The following ADAMTS20 variants were observed in gnomAD, a reference collection of about 807,000 sequenced individuals.
The protein encoded by ADAMTS20 is A disintegrin and metalloproteinase with thrombospondin motifs 20.
In ADAMTS20, 225 loss-of-function variants were observed where a neutral mutation model predicts 260.1. The observed-to-expected ratio is 0.87, with a 90% CI of 0.78 to 0.97. The LOEUF (loss-of-function observed/expected upper bound fraction) is 0.97. Among genes scored for constraint, ADAMTS20 ranks in the 50% least tolerant of loss-of-function variants. The probability of loss-of-function intolerance (pLI) is 0.00; values close to 1 mark genes in which losing one functional copy is unlikely to be tolerated. For synonymous variants in ADAMTS20, 802 were observed against 769.5 expected, an observed-to-expected ratio of 1.04 and a Z score of -0.70; for missense variants, 2,400 against 2,337.7, an observed-to-expected ratio of 1.03 and a Z score of -0.55.
In ADAMTS20 at chr12:43,468,619, C is replaced by CTA. The variant is rs1409272789; in HGVS notation, c.1202_1203dup (p.Ala402Ter). 1 of 1,608,168 alleles carries CTA rather than the reference C, an allele frequency of 6.2e-7. No homozygotes were observed. Among genetic ancestry groups the CTA allele is most frequent in the Non-Finnish European group, 8.5e-7 (1 of 1,176,552 alleles). On this transcript the variant is annotated frameshift_variant, in exon 8 of 39. Transcript: ENST00000389420. LOFTEE classifies it high-confidence loss of function. ...ACTTACGTGTGCCCAAGCTCATGGG[C>CTA]TATAGTAAAAGCAGAAATGAGTCCT...
At chr12:43,541,756 T>C (rs1033826506) in intron 2 of ADAMTS20, among the ~76,000 whole-genome samples, 2 of 148,832 alleles carry the variant, frequency 1.3e-5, no homozygotes, top group Non-Finnish European at 3.0e-5. Flanking sequence ...AAATTCATAG[T>C]AAGGGTTTTG....
Position 43,537,161 on chromosome 12 carries a change from C to A in ADAMTS20, c.454-4966G>T, listed in dbSNP as rs553591125. 5.3e-5 allele frequency among the ~76,000 whole-genome samples: 8 copies of A among 152,144 alleles called. 1 individual carries two copies. The highest frequency in any genetic ancestry group is 1.9e-4 in the African/African-American group (8 of 41,520). Reference sequence around the variant, plus strand: ...CTCAGCTCACTGCAACCTCCACCTCCCAGGCTCAAGCAATCCCCCCACCTC... The same window carrying A: ...CTCAGCTCACTGCAACCTCCACCTCACAGGCTCAAGCAATCCCCCCACCTC... On this transcript the variant is annotated intron_variant, in intron 2 of 38. Transcript: ENST00000389420.
chr12:43,421,962 C>G (rs1051217974), intron 28 of ADAMTS20, among the ~76,000 whole-genome samples: 1 of 151,676 alleles, frequency 6.6e-6, no homozygotes, highest in African/African-American at 2.4e-5. Flanking sequence ...AATATAAGAT[C>G]TGTTCAGTGA....
intron 28 of ADAMTS20, among the ~76,000 whole-genome samples, chr12:43,417,117 C>T (rs1193512626): frequency 6.6e-6 from 1 of 152,146 alleles, no homozygotes; most frequent in Non-Finnish European, 1.5e-5. Flanking sequence ...TAACCCAGTG[C>T]CTGGTAGATA....
chr12:43,462,748 T>C (rs1942085425), intron 11 of ADAMTS20, 147 bp downstream of exon 11: 2 of 629,962 alleles, frequency 3.2e-6, no homozygotes, highest in Non-Finnish European at 5.5e-6. Context: ...ATTGACAATG[T>C]ACTATATCAA....
chr12:43,393,953 T>C (rs938009590), intron 29 of ADAMTS20, among the ~76,000 whole-genome samples: 1 of 152,122 alleles, frequency 6.6e-6, no homozygotes, highest in Admixed American at 6.6e-5. Context: ...TTCTCTTATA[T>C]TGAACTAGAA....
intron 3 of ADAMTS20, among the ~76,000 whole-genome samples, chr12:43,508,887 G>C (rs1177193466): frequency 6.6e-6 from 1 of 152,048 alleles, no homozygotes; most frequent in Admixed American, 6.6e-5. Flanking sequence ...GCATTAGCTA[G>C]TTTTCCTGAA....
intron 7 of ADAMTS20, among the ~76,000 whole-genome samples, chr12:43,484,401 G>A (rs1592092897): frequency 2.0e-5 from 3 of 152,056 alleles, no homozygotes; most frequent in African/African-American, 7.2e-5. Context: ...AGATACAATA[G>A]AGAGGTGAAA....
At chr12:43,489,391 C>G (rs997912231) in intron 7 of ADAMTS20, among the ~76,000 whole-genome samples, 3 of 151,894 alleles carry the variant, frequency 2.0e-5, no homozygotes, top group African/African-American at 7.2e-5. Flanking sequence ...ATCAAGAATA[C>G]CTGAAAAGCA....
At chr12:43,416,524 C>T (rs1227792237) in intron 28 of ADAMTS20, among the ~76,000 whole-genome samples, 5 of 130,718 alleles carry the variant, frequency 3.8e-5, no homozygotes, top group Non-Finnish European at 3.2e-5. Flanking sequence ...TCAAACTGAC[C>T]TTTTTTTTTT....
rs766128607 is a variant in ADAMTS20, at chr12:43,425,527, T to C, written c.4271A>G (p.Glu1424Gly). 1.3e-6 allele frequency: 2 copies of C among 1,531,752 alleles called. No homozygotes were observed. The highest frequency in any genetic ancestry group is 1.8e-5 in the Admixed American group (1 of 54,074). The allele number at this position is 1,531,752 out of a possible 1,614,324, so 94.9% of individuals were successfully genotyped here. ...ACPADVSWHQ[E>G]PWTSCSASCG... ...GTGCTATCATACCGATGTCCATGGTTCCTGATGCCATGACACATCAGCAGG... is the reference window on the plus strand; with the variant it reads ...GTGCTATCATACCGATGTCCATGGTCCCTGATGCCATGACACATCAGCAGG... The change falls in exon 28 of 39, where the codon GAA becomes GGA. Residue 1424 changes from glutamate to glycine, a missense_variant. Physicochemically the swap from Glu to Gly is moderately conservative, Grantham distance 98 (BLOSUM62 -2). Transcript: ENST00000389420.
chr12:43,361,998 C>T (rs769772323), intron 37 of ADAMTS20, among the ~76,000 whole-genome samples: 4 of 152,120 alleles, frequency 2.6e-5, no homozygotes, highest in Non-Finnish European at 4.4e-5. Context: ...TCCAAAGTAA[C>T]AACATTTGTT....
intron 3 of ADAMTS20, among the ~76,000 whole-genome samples, chr12:43,503,838 G>C (rs1048058756): frequency 2.6e-5 from 4 of 152,184 alleles, no homozygotes; most frequent in Middle Eastern, 3.4e-3. Context: ...TCCTGCATTA[G>C]TTTGCTAAGG....
intron 37 of ADAMTS20, among the ~76,000 whole-genome samples, chr12:43,358,501 G>A (rs547983884): frequency 2.0e-5 from 3 of 152,188 alleles, no homozygotes; most frequent in Non-Finnish European, 2.9e-5. Context: ...AGTTCAGACA[G>A]ATCTCACTCT....
intron 7 of ADAMTS20, among the ~76,000 whole-genome samples, chr12:43,469,472 T>C (rs550572595): frequency 5.9e-5 from 9 of 152,224 alleles, no homozygotes; most frequent in African/African-American, 2.2e-4. Context: ...TCAAAATAAA[T>C]ATTCATTACA....
intron 4 of ADAMTS20, among the ~76,000 whole-genome samples, chr12:43,494,022 G>A (rs908539757): frequency 2.0e-5 from 3 of 152,092 alleles, no homozygotes; most frequent in African/African-American, 7.2e-5. Context: ...TTCTCTTCTT[G>A]TAGCCATTAT....
At chr12:43,362,544 A>G (rs1939893439) in intron 37 of ADAMTS20, among the ~76,000 whole-genome samples, 1 of 152,200 alleles carries the variant, frequency 6.6e-6, no homozygotes. Flanking sequence ...AAACACTTCT[A>G]GAATGGTGAT....
intron 3 of ADAMTS20, among the ~76,000 whole-genome samples, chr12:43,530,247 C>T (rs1013514667): frequency 2.0e-5 from 3 of 151,928 alleles, no homozygotes; most frequent in Non-Finnish European, 2.9e-5. Flanking sequence ...TTATTTGAAA[C>T]ATTTATGTAT....
Position 43,428,786 on chromosome 12 carries a change from CA to C in ADAMTS20, c.3502del (p.Cys1168ValfsTer10). ...ATAGCGGGCTTGAGTACCTCTTCCA[CA>C]AGATACGGAGCACTTTTTAAGAAAT... ...HGSWTPCSVS[C>X]GRGTQARYVS... is the part of the protein sequence containing the mutation. On this transcript the variant is annotated frameshift_variant, in exon 25 of 39. Coordinates refer to ENST00000389420, the MANE Select transcript of ADAMTS20 (RefSeq NM_025003.5). LOFTEE classifies it high-confidence loss of function. The C allele has an allele frequency of 6.2e-7, 1 of 1,605,456 alleles. No homozygotes were observed. Among genetic ancestry groups the C allele is most frequent in the Non-Finnish European group, 8.5e-7 (1 of 1,174,664 alleles).
Sources: gnomAD v4.1 joint callset for allele counts (sites outside exome capture counted in the v4.1 genomes callset) on GRCh38, gnomAD v4.1.1 for gene constraint, MANE v1.5 for transcripts, NCBI Gene and HGNC (gene_info 2026-07-23, HGNC 2026-07-21) for gene names.